Variants in ZNF550 observed in about 807,000 individuals in gnomAD.
The protein encoded by ZNF550 is zinc finger protein 550.
In ZNF550, 42 loss-of-function variants were observed where a neutral mutation model predicts 40.2. The ratio of observed to expected loss-of-function variants is 1.05; its 90% CI spans 0.82 to 1.35. The LOEUF (loss-of-function observed/expected upper bound fraction) is 1.35, where lower values mean the gene tolerates loss of function less well. Among genes scored for constraint, ZNF550 ranks in the 40% most tolerant of loss-of-function variants. ZNF550 has a pLI of 0.00. For synonymous variants in ZNF550, 223 were observed against 198.6 expected (o/e 1.12, Z -1.03); for missense variants, 549 against 525.2 (o/e 1.05, Z -0.44).
intron 3 of ZNF550, among the ~76,000 whole-genome samples, chr19:57,551,919 G>A (rs2090075949): frequency 6.6e-6 from 1 of 152,238 alleles, no homozygotes. Context: ...TCTAACTGGA[G>A]GATGGATGAG....
intron 4 of ZNF550, among the ~76,000 whole-genome samples, chr19:57,546,123 T>A (rs1317541038): frequency 3.3e-5 from 5 of 152,146 alleles, no homozygotes; most frequent in African/African-American, 1.2e-4. Context: ...TGGGTTCTTC[T>A]CACCCTAGAT....
exon 4 of ZNF550, chr19:57,547,017 T>C: frequency 6.2e-7 from 1 of 1,613,538 alleles, no homozygotes; most frequent in Non-Finnish European, 8.5e-7. Context: ...GTGACCTGCG[T>C]TTGAAGGCCT....
chr19:57,548,435 C>T (rs1375003170), intron 3 of ZNF550, among the ~76,000 whole-genome samples: 2 of 152,138 alleles, frequency 1.3e-5, no homozygotes, highest in Non-Finnish European at 2.9e-5. Context: ...AGACACTTCT[C>T]AAAAGAATAC....
exon 4 of ZNF550, chr19:57,547,957 G>C: frequency 1.2e-6 from 2 of 1,613,938 alleles, no homozygotes; most frequent in Non-Finnish European, 1.7e-6. Context: ...TGGCGGGTAA[G>C]TGGTTGGCTC....
intron 3 of ZNF550, among the ~76,000 whole-genome samples, chr19:57,550,785 A>C (rs1249160748): frequency 1.3e-5 from 2 of 152,244 alleles, no homozygotes; most frequent in African/African-American, 4.8e-5. Flanking sequence ...TGTATACATA[A>C]GATTTTTTTT....
chr19:57,561,014 C>A (rs1296386716), upstream of ZNF550, among the ~76,000 whole-genome samples: 2 of 152,184 alleles, frequency 1.3e-5, no homozygotes, highest in African/African-American at 4.8e-5. The surrounding 1 kb of genome is among the most constrained non-coding windows in gnomAD (Gnocchi z 4.9). Flanking sequence ...CAGGGACCCA[C>A]CTGGTTACTG....
upstream of ZNF550, among the ~76,000 whole-genome samples, chr19:57,560,028 C>A (rs1181637798): frequency 6.6e-6 from 1 of 152,238 alleles, no homozygotes; most frequent in African/African-American, 2.4e-5. Flanking sequence ...AGCAAGTGTA[C>A]ACACTGGATT....
exon 1 of ZNF550, chr19:57,559,707 C>T: frequency 6.8e-7 from 1 of 1,474,140 alleles, no homozygotes; most frequent in Non-Finnish European, 9.0e-7. Flanking sequence ...GACGAGGCCG[C>T]GTGGGGCAGC....
chr19:57,556,335 A>G (rs139899284), exon 2 of ZNF550: 17,192 of 1,613,888 alleles, frequency 0.011, 124 homozygotes, highest in Non-Finnish European at 0.013. Flanking sequence ...GGTCACAGCC[A>G]CATCCTTGAA....
At chr19:57,547,494 G>A in exon 4 of ZNF550, 10 of 1,614,068 alleles carry the variant, frequency 6.2e-6, no homozygotes, top group Non-Finnish European at 7.6e-6. Context: ...TGTGGATGAG[G>A]TAGTGCCGAA....
intron 1 of ZNF550, among the ~76,000 whole-genome samples, chr19:57,559,271 G>C (rs548025814): frequency 1.4e-4 from 21 of 152,286 alleles, no homozygotes; most frequent in Admixed American, 3.9e-4. Context: ...CCCCGGGGGG[G>C]GGAAGAGTAA....
chr19:57,547,215 A>T lies in ZNF550; in HGVS notation c.1029T>A (p.Tyr343Ter). 1 of 1,614,078 alleles carries T rather than the reference A, an allele frequency of 6.2e-7. No homozygotes were observed. Among genetic ancestry groups the T allele is most frequent in the Non-Finnish European group, 8.5e-7 (1 of 1,179,990 alleles). The change falls in exon 4 of 5, where the codon TAT (tyrosine) becomes TAA (stop). Residue 343 changes from tyrosine (Y) to a stop codon, truncating the protein, a stop_gained. Transcript: ENST00000457177. LOFTEE classifies it high-confidence loss of function. ...AGGCCTTTCCACATGCCATGCAATCATAGGGCTTCTCTCCAGTGTGGATGA... is the reference window on the plus strand; with the variant it reads ...AGGCCTTTCCACATGCCATGCAATCTTAGGGCTTCTCTCCAGTGTGGATGA...
At chr19:57,557,081 G>A (rs2123370663) in intron 1 of ZNF550, 1 of 152,188 alleles carries the variant, frequency 6.6e-6, no homozygotes, top group South Asian at 2.1e-4. Context: ...CCTGAGATGT[G>A]GCCTCGTGGG....
intron 1 of ZNF550, among the ~76,000 whole-genome samples, chr19:57,558,572 CTAAA>C (rs1346899942): frequency 6.6e-6 from 1 of 152,096 alleles, no homozygotes; most frequent in Non-Finnish European, 1.5e-5. Context: ...AAACAGGCAA[CTAAA>C]TAAATGAGTA....
chr19:57,545,164 A>C (rs1229951364), intron 4 of ZNF550, among the ~76,000 whole-genome samples: 1 of 152,226 alleles, frequency 6.6e-6, no homozygotes, highest in Admixed American at 6.5e-5. Context: ...GCTAGCACCA[A>C]GGGACTAAGG....
chr19:57,560,325 G>T (rs1157056652), upstream of ZNF550, among the ~76,000 whole-genome samples: 4 of 152,194 alleles, frequency 2.6e-5, no homozygotes, highest in East Asian at 7.7e-4. Flanking sequence ...ATGCTCGTGG[G>T]GTTCCGTCTG....
At chr19:57,553,819 G>A (rs2090095944) in intron 2 of ZNF550, 1 of 152,170 alleles carries the variant, frequency 6.6e-6, no homozygotes, top group African/African-American at 2.4e-5. Flanking sequence ...CTTCGTGTGA[G>A]ACCTGGGCAT....
chr19:57,552,803 C>A, intron 2 of ZNF550, 81 bp from the exon 3 acceptor site: 2 of 1,060,478 alleles, frequency 1.9e-6, no homozygotes, highest in South Asian at 1.4e-5. Flanking sequence ...GACTTCATGA[C>A]AGGGTCCAGA....
At chr19:57,548,136 C>A in intron 3 of ZNF550, 143 bp from the exon 4 acceptor site, 2 of 783,292 alleles carry the variant, frequency 2.6e-6, no homozygotes, top group East Asian at 2.6e-5. Flanking sequence ...CCCAGGTTAC[C>A]AAATACTGCT....
Sources: gnomAD v4.1 joint callset for allele counts (sites outside exome capture counted in the v4.1 genomes callset) on GRCh38, gnomAD v4.1.1 for gene constraint, Gnocchi (gnomAD v3.1) non-coding constraint, MANE v1.5 for transcripts, NCBI Gene and HGNC (gene_info 2026-07-23, HGNC 2026-07-21) for gene names.